Variants in NRXN3 observed in about 807,000 individuals in gnomAD.
NRXN3 encodes the protein neurexin III.
In NRXN3, 32 loss-of-function variants were observed where a neutral mutation model predicts 137.6. The ratio of observed to expected loss-of-function variants is 0.23; its 90% CI spans 0.18 to 0.31. The LOEUF (loss-of-function observed/expected upper bound fraction) is 0.31. Among genes scored for constraint, NRXN3 ranks in the 10% least tolerant of loss-of-function variants. The probability of loss-of-function intolerance (pLI) is 1.00; values close to 1 mark genes in which losing one functional copy is unlikely to be tolerated. For missense variants in NRXN3, 1,574 were observed against 2,062.5 expected (o/e 0.76, Z 4.59); for synonymous variants, 798 against 784.5 (o/e 1.02, Z -0.29).
At chr14:78,796,684 G>GTTGACACAGGGCAGATTTGAAATTAGA (rs2098822945) in intron 8 of NRXN3, among the ~76,000 whole-genome samples, 1 of 152,118 alleles carries the variant, frequency 6.6e-6, no homozygotes, top group Non-Finnish European at 1.5e-5. Context: ...ACAACTCAGA[G>GTTGACACAGGGCAGATTTGAAATTAGA]GTAATTAGAG....
chr14:78,678,273 A>G (rs530409607), intron 6 of NRXN3, among the ~76,000 whole-genome samples: 4 of 151,506 alleles, frequency 2.6e-5, no homozygotes, highest in Admixed American at 6.6e-5. Context: ...AGATTTATCT[A>G]TGTTGATTTC....
intron 4 of NRXN3, among the ~76,000 whole-genome samples, chr14:78,418,579 C>A (rs1379950050): frequency 6.6e-6 from 1 of 152,156 alleles, no homozygotes; most frequent in Non-Finnish European, 1.5e-5. Flanking sequence ...AGCTTGGAAA[C>A]ATGTCAGAGT....
intron 17 of NRXN3, among the ~76,000 whole-genome samples, chr14:79,669,728 A>C (rs1019425627): frequency 1.3e-5 from 2 of 152,022 alleles, no homozygotes; most frequent in African/African-American, 4.8e-5. Flanking sequence ...TGGTCCATGG[A>C]TCAGCAGCAT....
chr14:78,246,518 G>A lies in NRXN3; in HGVS notation c.709+2716G>A, dbSNP rs140287947. ...TAAACTGCCGTAACAGTAACACTTGGCTGGCTTGGAACAGAGCAGTGCAAA... is the reference window on the plus strand; with the variant it reads ...TAAACTGCCGTAACAGTAACACTTGACTGGCTTGGAACAGAGCAGTGCAAA... On this transcript the variant is annotated intron_variant, in intron 2 of 20. Coordinates refer to ENST00000335750, the MANE Select transcript of NRXN3 (RefSeq NM_001330195.2). Among the ~76,000 whole-genome samples, 18 of 152,232 alleles carry A rather than the reference G, an allele frequency of 1.2e-4. 1 individual carries two copies. The highest frequency in any genetic ancestry group is 3.6e-4 in the African/African-American group (15 of 41,532).
chr14:79,510,975 T>C lies in NRXN3; in HGVS notation c.3444+43573T>C, dbSNP rs201375558. ...GAGCAAGAGACTCTGTAGTGTCTGA[T>C]GCACTCAATCTTGAGTTGATCACAA... On this transcript the variant is annotated intron_variant, in intron 16 of 20. Transcript: ENST00000335750. 4.6e-5 allele frequency among the ~76,000 whole-genome samples: 7 copies of C among 152,210 alleles called. No individual in the cohort carries two copies. In the East Asian group the frequency reaches 1.3e-3, roughly 29 times the overall value.
chr14:78,699,329 A>G (rs2098257595), intron 6 of NRXN3, among the ~76,000 whole-genome samples: 2 of 152,198 alleles, frequency 1.3e-5, no homozygotes, highest in Admixed American at 1.3e-4. Flanking sequence ...TGGAATGATA[A>G]ATTGGAGGAC....
intron 8 of NRXN3, among the ~76,000 whole-genome samples, chr14:78,732,367 TA>T (rs975140782): frequency 1.3e-5 from 2 of 152,164 alleles, no homozygotes; most frequent in African/African-American, 2.4e-5. Context: ...TTATGAACAA[TA>T]AAACAGTCTA....
intron 6 of NRXN3, among the ~76,000 whole-genome samples, chr14:78,704,706 A>G (rs377455199): frequency 6.6e-6 from 1 of 152,136 alleles, no homozygotes; most frequent in East Asian, 1.9e-4. Flanking sequence ...CTGTTTATGC[A>G]TTTAATAGCC....
intron 17 of NRXN3, among the ~76,000 whole-genome samples, chr14:79,672,885 C>G (rs2098617564): frequency 6.6e-6 from 1 of 152,032 alleles, no homozygotes; most frequent in East Asian, 1.9e-4. Context: ...TGCAGAGTCT[C>G]TCTAGTTATT....
At chr14:78,662,200 T>C (rs2097847410) in intron 6 of NRXN3, among the ~76,000 whole-genome samples, 2 of 151,848 alleles carry the variant, frequency 1.3e-5, no homozygotes, top group Non-Finnish European at 2.9e-5. Flanking sequence ...TGACAACTAA[T>C]TGACAGATTA....
intron 16 of NRXN3, among the ~76,000 whole-genome samples, chr14:79,550,527 A>G (rs1429828512): frequency 6.6e-6 from 1 of 152,186 alleles, no homozygotes; most frequent in East Asian, 1.9e-4. Context: ...TCAACACTGA[A>G]TGCAACAGTG....
intron 8 of NRXN3, among the ~76,000 whole-genome samples, chr14:78,719,810 C>A (rs1280660891): frequency 6.6e-6 from 1 of 151,994 alleles, no homozygotes; most frequent in Non-Finnish European, 1.5e-5. Context: ...CAGTTGCACT[C>A]CAGCCTGGGT....
chr14:78,516,653 T>C (rs774437050), intron 4 of NRXN3, among the ~76,000 whole-genome samples: 12 of 152,000 alleles, frequency 7.9e-5, no homozygotes, highest in Non-Finnish European at 1.2e-4. Context: ...AGAATGTTGG[T>C]GTGAGCTAAT....
chr14:78,376,003 T>TACACACACACAC (rs10623539), intron 4 of NRXN3, among the ~76,000 whole-genome samples: 1,847 of 146,766 alleles, frequency 0.013, 38 homozygotes, highest in African/African-American at 0.042. Flanking sequence ...TCCTCCTTGA[T>TACACACACACAC]ACACACACAC....
intron 16 of NRXN3, among the ~76,000 whole-genome samples, chr14:79,532,604 AT>A (rs1371917222): frequency 6.6e-6 from 1 of 152,140 alleles, no homozygotes; most frequent in Non-Finnish European, 1.5e-5. Context: ...CATGCAAATA[AT>A]ATCATTTTCG....
intron 19 of NRXN3, among the ~76,000 whole-genome samples, chr14:79,700,140 G>T (rs570852532): frequency 1.3e-5 from 2 of 152,090 alleles, no homozygotes; most frequent in East Asian, 3.9e-4. Flanking sequence ...CCTATGTTAG[G>T]ACTGGGGACC....
chr14:78,487,366 T>A (rs2095578183), intron 4 of NRXN3, among the ~76,000 whole-genome samples: 1 of 152,178 alleles, frequency 6.6e-6, no homozygotes, highest in South Asian at 2.1e-4. Context: ...GAATTATGGC[T>A]TTATCTCTGG....
chr14:78,813,161 T>A (rs2098919805), intron 10 of NRXN3, among the ~76,000 whole-genome samples: 2 of 152,218 alleles, frequency 1.3e-5, no homozygotes, highest in South Asian at 4.1e-4. Context: ...TTCAAAGACA[T>A]TTCATTTTTA....
At chr14:78,762,631 G>A (rs568697391) in intron 8 of NRXN3, among the ~76,000 whole-genome samples, 5 of 152,234 alleles carry the variant, frequency 3.3e-5, no homozygotes, top group Admixed American at 2.0e-4. Flanking sequence ...AAAGGGCGGG[G>A]GAAGAAGCAA....
Sources: allele counts gnomAD v4.1 joint callset (sites outside exome capture counted in the v4.1 genomes callset), GRCh38; gene constraint gnomAD v4.1.1; transcripts MANE v1.5; gene names NCBI Gene and HGNC (gene_info 2026-07-23, HGNC 2026-07-21).